The following MFHAS1 variants were observed in gnomAD, a reference collection of about 807,000 sequenced individuals.
The protein encoded by MFHAS1 is multifunctional ROCO family signaling regulator 1, also known as malignant fibrous histiocytoma-amplified sequence 1.
In MFHAS1, 50 loss-of-function variants were observed where a neutral mutation model predicts 70.4. That is an observed-to-expected ratio of 0.71 (90% CI 0.57 to 0.90). The LOEUF (loss-of-function observed/expected upper bound fraction) is 0.90. Among genes scored for constraint, MFHAS1 ranks in the 40% least tolerant of loss-of-function variants. The pLI, the probability that MFHAS1 is intolerant of heterozygous loss-of-function variation, is 0.00. For missense variants in MFHAS1, 1,795 were observed against 1,347.6 expected, an observed-to-expected ratio of 1.33 and a Z score of -5.20; for synonymous variants, 952 against 620.0, an observed-to-expected ratio of 1.54 and a Z score of -7.96.
intron 1 of MFHAS1, among the ~76,000 whole-genome samples, chr8:8,799,364 T>C (rs1806010070): frequency 6.6e-6 from 1 of 152,232 alleles, no homozygotes; most frequent in South Asian, 2.1e-4. Flanking sequence ...TGGACCACAG[T>C]TGATTGCAGG....
intron 1 of MFHAS1, among the ~76,000 whole-genome samples, chr8:8,867,374 C>T (rs1808897869): frequency 6.6e-6 from 1 of 152,048 alleles, no homozygotes; most frequent in Non-Finnish European, 1.5e-5. Flanking sequence ...ATAAAACATT[C>T]CTAAAACAGT....
chr8:8,819,641 C>T lies in MFHAS1; in HGVS notation c.2999-22150G>A, dbSNP rs553758865. Among the ~76,000 whole-genome samples the T allele has an allele frequency of 1.5e-4, 23 of 150,204 alleles. No individual in the cohort carries two copies. The South Asian group carries it at 4.9e-3, about 32-fold the overall frequency. ...AAAAAAAAAAAGAATATCCAAGAAT[C>T]TGGCCAAAGTGGCTGCCTCCAGAAA... is the stretch of plus-strand genomic sequence containing the variant. On this transcript the variant is annotated intron_variant, in intron 1 of 2. Coordinates refer to ENST00000276282, the MANE Select transcript of MFHAS1 (RefSeq NM_004225.3).
intron 1 of MFHAS1, among the ~76,000 whole-genome samples, chr8:8,826,712 G>A (rs1048080567): frequency 6.6e-6 from 1 of 152,166 alleles, no homozygotes; most frequent in Admixed American, 6.6e-5. Flanking sequence ...CAGCCTGGGT[G>A]ACAGAGTGAG....
intron 1 of MFHAS1, among the ~76,000 whole-genome samples, chr8:8,874,311 T>C (rs1328791790): frequency 1.3e-5 from 2 of 150,124 alleles, no homozygotes; most frequent in East Asian, 1.9e-4. Flanking sequence ...GCTATATTTG[T>C]AGGATATACT....
intron 1 of MFHAS1, among the ~76,000 whole-genome samples, chr8:8,812,260 T>G (rs1806577352): frequency 6.6e-6 from 1 of 152,134 alleles, no homozygotes. Flanking sequence ...AAGAATCATT[T>G]AGTGGTTCAG....
At chr8:8,883,277 G>T (rs1809600213) in intron 1 of MFHAS1, among the ~76,000 whole-genome samples, 1 of 152,236 alleles carries the variant, frequency 6.6e-6, no homozygotes, top group Admixed American at 6.5e-5. Context: ...AGGGAACAGG[G>T]ACGCCAAGGC....
At position 8,890,051 on chromosome 8, in the gene MFHAS1, C is replaced by A; in HGVS notation, c.2998+10G>T. 1 of 1,572,252 alleles carries A rather than the reference C, an allele frequency of 6.4e-7. No homozygotes were observed. The highest frequency in any genetic ancestry group is 8.7e-7 in the Non-Finnish European group (1 of 1,153,324). ...ATACCACAGAAGAACTTCTCCCTCT[C>A]TCCACTTACCTGGAAAAGCATGTGG... On this transcript the variant is annotated intron_variant, in intron 1 of 2. Transcript: ENST00000276282.
Position 8,893,077 on chromosome 8 carries a change from C to G in MFHAS1, c.-19G>C. On this transcript the variant is annotated 5_prime_UTR_variant, in exon 1 of 3. Transcript: ENST00000276282. ...CAGCCATGGCGGGGCCCCGGGCCGA[C>G]AGCCTCACGCGGACGCGGGAGCCCG... 2.8e-6 allele frequency: 4 copies of G among 1,450,042 alleles called. No individual in the cohort carries two copies. The highest frequency in any genetic ancestry group is 3.6e-6 in the Non-Finnish European group (4 of 1,109,708). 89.8% of individuals were successfully genotyped at this position (1,450,042 alleles called of 1,614,324 possible). A position where few individuals can be genotyped will look rare whatever the true frequency, so the allele number is the denominator to read the frequency against.
At position 8,891,548 on chromosome 8, in the gene MFHAS1, A is replaced by C; in HGVS notation, c.1511T>G (p.Leu504Trp). The change falls in exon 1 of 3, where the codon TTG becomes TGG. Residue 504 changes from leucine (L) to tryptophan (W), a missense_variant. Coordinates refer to ENST00000276282, the MANE Select transcript of MFHAS1 (RefSeq NM_004225.3). The surrounding 1 kb of genome is among the most constrained non-coding windows in gnomAD (Gnocchi z 5.4). ...AAAGTGGCGAGGCTCATAGGTGGCCAAGTTGACCACCAGCACGTATAGGGC... is the reference window on the plus strand; with the variant it reads ...AAAGTGGCGAGGCTCATAGGTGGCCCAGTTGACCACCAGCACGTATAGGGC... ...PGALYVLVVN[L>W]ATYEPRHFPT... is the part of the protein sequence containing the mutation. 6.2e-7 allele frequency: 1 copy of C among 1,613,116 alleles called. No homozygotes were observed. Among genetic ancestry groups the C allele is most frequent in the Non-Finnish European group, 8.5e-7 (1 of 1,180,024 alleles).
In MFHAS1 at chr8:8,835,626, A is replaced by G. The variant is rs192802776; in HGVS notation, c.2999-38135T>C. Among the ~76,000 whole-genome samples, 4 of 152,334 alleles carry G rather than the reference A, an allele frequency of 2.6e-5. No homozygotes were observed. The East Asian group carries it at 7.7e-4, about 29-fold the overall frequency. Reference sequence around the variant, plus strand: ...ACAACTTAATTTTCAGCACTTATTAATATTTATAAAGCTTTTCTCTCTCAC... The same window carrying G: ...ACAACTTAATTTTCAGCACTTATTAGTATTTATAAAGCTTTTCTCTCTCAC... On this transcript the variant is annotated intron_variant, in intron 1 of 2. Coordinates refer to ENST00000276282, the MANE Select transcript of MFHAS1 (RefSeq NM_004225.3).
At chr8:8,790,427 G>C in intron 2 of MFHAS1, 1 of 969,112 alleles carries the variant, frequency 1.0e-6, no homozygotes, top group Non-Finnish European at 1.2e-6. Flanking sequence ...AAGAAAGTAT[G>C]AAGATACCTA....
At chr8:8,858,103 C>T (rs140099071) in intron 1 of MFHAS1, among the ~76,000 whole-genome samples, 1 of 152,328 alleles carries the variant, frequency 6.6e-6, no homozygotes, top group Non-Finnish European at 1.5e-5. Context: ...CCCAAAGCAA[C>T]AGCCATCTGT....
intron 1 of MFHAS1, among the ~76,000 whole-genome samples, chr8:8,819,552 C>T (rs887856187): frequency 7.2e-6 from 1 of 139,678 alleles, no homozygotes; most frequent in Non-Finnish European, 1.5e-5. Context: ...TGCAGTGAGC[C>T]AAGATCACGC....
intron 1 of MFHAS1, among the ~76,000 whole-genome samples, chr8:8,873,677 G>A (rs907247157): frequency 1.3e-5 from 2 of 151,594 alleles, no homozygotes; most frequent in Non-Finnish European, 2.9e-5. Context: ...ACAACGGTGT[G>A]GAACTCGAGA....
At position 8,892,885 on chromosome 8, in the gene MFHAS1, C is replaced by G. The variant is rs1443972356; in HGVS notation, c.174G>C (p.Leu58=). 6.3e-7 allele frequency: 1 copy of G among 1,583,538 alleles called. No homozygotes were observed. Among genetic ancestry groups the G allele is most frequent in the South Asian group, 1.1e-5 (1 of 87,328 alleles). ...CCTCAATGTCCCCGAGGTTGGCCGGCAGCACGAGCTGGGGGGAGGCGGGGG... is the reference window on the plus strand; with the variant it reads ...CCTCAATGTCCCCGAGGTTGGCCGGGAGCACGAGCTGGGGGGAGGCGGGGG... The part of the protein sequence containing the change: ...LESPASPQLV[L]PANLGDIEAL... Residue 58 remains leucine (L), a synonymous_variant, in exon 1 of 3, where the codon CTG becomes CTC. Coordinates refer to ENST00000276282, the MANE Select transcript of MFHAS1 (RefSeq NM_004225.3). The surrounding 1 kb of genome is among the most constrained non-coding windows in gnomAD (Gnocchi z 4.7).
chr8:8,883,717 AAAAAAAAAAAAAAAG>A (rs1809624699), intron 1 of MFHAS1, among the ~76,000 whole-genome samples: 2 of 150,380 alleles, frequency 1.3e-5, no homozygotes, highest in Admixed American at 1.3e-4. Flanking sequence ...CAAAAAAAAA[AAAAAAAAAAAAAAAG>A]AAAGGGCTCC....
At chr8:8,886,146 A>G (rs1809743885) in intron 1 of MFHAS1, among the ~76,000 whole-genome samples, 1 of 152,118 alleles carries the variant, frequency 6.6e-6, no homozygotes, top group East Asian at 1.9e-4. Flanking sequence ...ACAAAAAACT[A>G]TGAAACTAGT....
intron 2 of MFHAS1, among the ~76,000 whole-genome samples, chr8:8,795,464 C>G (rs1375966829): frequency 1.3e-5 from 2 of 152,204 alleles, no homozygotes; most frequent in Non-Finnish European, 2.9e-5. Flanking sequence ...TCAAGATTCA[C>G]AATGTCTTAG....
At chr8:8,870,790 C>G (rs937847975) in intron 1 of MFHAS1, among the ~76,000 whole-genome samples, 3 of 152,246 alleles carry the variant, frequency 2.0e-5, no homozygotes, top group African/African-American at 7.2e-5. Flanking sequence ...TTCCCGGGGT[C>G]AAGGCCTTGC....
Sources: allele counts gnomAD v4.1 joint callset (sites outside exome capture counted in the v4.1 genomes callset), GRCh38; gene constraint gnomAD v4.1.1; non-coding constraint Gnocchi (gnomAD v3.1); transcripts MANE v1.5; gene names NCBI Gene and HGNC (gene_info 2026-07-23, HGNC 2026-07-21).